Variants in XBP1 observed in about 807,000 individuals in gnomAD.
The protein encoded by XBP1 is X-box-binding protein 1.
Under a neutral mutation model 34.6 loss-of-function variants are expected in XBP1, and 18 were observed. The ratio of observed to expected loss-of-function variants is 0.52; its 90% CI spans 0.36 to 0.77. The LOEUF is 0.77. Among genes scored for constraint, XBP1 ranks in the 30% least tolerant of loss-of-function variants. XBP1 has a pLI of 0.00. For missense variants in XBP1, 422 were observed against 464.6 expected (o/e 0.91, Z 0.84); for synonymous variants, 191 against 193.4 (o/e 0.99, Z 0.11).
At chr22:28,799,250 C>T (rs1477719242) in intron 1 of XBP1, 97 bp from the exon 2 acceptor site, 3 of 797,260 alleles carry the variant, frequency 3.8e-6, no homozygotes, top group African/African-American at 1.7e-5. Flanking sequence ...TTTTTATTTA[C>T]AGTATAAGAC....
chr22:28,795,237 C>A, exon 6 of XBP1: 1 of 1,548,686 alleles, frequency 6.5e-7, no homozygotes, highest in Non-Finnish European at 8.7e-7. Flanking sequence ...GAATGGTTTA[C>A]ACCAAGCAGA....
chr22:28,795,812 C>T, intron 5 of XBP1, 80 bp from the exon 6 acceptor site: 1 of 1,426,552 alleles, frequency 7.0e-7, no homozygotes, highest in South Asian at 1.4e-5. Context: ...GTACTGGGTT[C>T]CATAATGTAA....
At chr22:28,795,170 A>C, downstream of XBP1, 1 of 1,497,174 alleles carries the variant, frequency 6.7e-7, no homozygotes, top group African/African-American at 1.4e-5. Context: ...GTATTGGATC[A>C]TTCCTTAGAC....
chr22:28,799,235 T>A (rs2031817201), intron 1 of XBP1, 82 bp from the exon 2 acceptor site: 1 of 1,055,320 alleles, frequency 9.5e-7, no homozygotes, highest in Non-Finnish European at 1.4e-6. Flanking sequence ...CAGCTGGTGC[T>A]TTCATTTTTA....
At position 28,795,602 on chromosome 22, in the gene XBP1, G is replaced by T. The variant is rs141132139; in HGVS notation, c.704C>A (p.Ser235Tyr). Residue 235 changes from serine to tyrosine, a missense_variant, in exon 6 of 6, where the codon TCC becomes TAC. Ser to Tyr is a moderately radical substitution (Grantham distance 144). Coordinates refer to ENST00000344347, the Ensembl canonical transcript of XBP1. The stretch of plus-strand genomic sequence containing the variant: ...TGACGTCCCCACTGACAGAGAAAGG[G>T]AGGCTGGTAAGGAACTGGGTCCTTC... The T allele has an allele frequency of 2.5e-6, 4 of 1,614,152 alleles. No homozygotes were observed. The African/African-American group carries it at 5.3e-5, about 22-fold the overall frequency.
intron 2 of XBP1, 130 bp from the exon 3 acceptor site, chr22:28,797,335 T>C: frequency 8.9e-7 from 1 of 1,125,332 alleles, no homozygotes; most frequent in Non-Finnish European, 1.2e-6. Flanking sequence ...GTGTTCATAG[T>C]AGGTTTTAAA....
chr22:28,800,027 G>A (rs768406016), intron 1 of XBP1: 1 of 778,966 alleles, frequency 1.3e-6, no homozygotes, highest in African/African-American at 1.7e-5. Context: ...TGGAAGACAG[G>A]TGCCCGCATC....
chr22:28,796,509 G>T, intron 3 of XBP1: 1 of 220,930 alleles, frequency 4.5e-6, no homozygotes, highest in South Asian at 1.2e-4. Context: ...AAAGATTTCA[G>T]CTGTAAAGAA....
chr22:28,795,362 C>T lies in XBP1; in HGVS notation c.944G>A (p.Gly315Asp), dbSNP rs533270808. The change falls in exon 6 of 6, where the codon GGT becomes GAT. Residue 315 changes from glycine to aspartate, a missense_variant. Gly to Asp is a moderately conservative substitution (Grantham distance 94). Coordinates refer to ENST00000344347, the Ensembl canonical transcript of XBP1. Reference sequence around the variant, plus strand: ...GCTGGATGAAAGCAGATTTGAGATACCCAGCTCCGGAACGAGGTCATCTTC... The same window carrying T: ...GCTGGATGAAAGCAGATTTGAGATATCCAGCTCCGGAACGAGGTCATCTTC... 5.2e-6 allele frequency: 8 copies of T among 1,551,992 alleles called. No homozygotes were observed. In the South Asian group the frequency reaches 7.1e-5, roughly 14 times the overall value.
chr22:28,799,449 A>T (rs983159745), intron 1 of XBP1, among the ~76,000 whole-genome samples: 1 of 152,158 alleles, frequency 6.6e-6, no homozygotes, highest in African/African-American at 2.4e-5. Flanking sequence ...CATCATAAGG[A>T]ACTTTCCTCT....
chr22:28,800,524 T>C (rs558452586), exon 1 of XBP1: 33 of 1,489,690 alleles, frequency 2.2e-5, no homozygotes, highest in African/African-American at 2.9e-5. Flanking sequence ...ACCACCACCA[T>C]AGCTCCAGAC....
At chr22:28,795,985 A>C in intron 5 of XBP1, 62 bp downstream of exon 5, 2 of 1,599,062 alleles carry the variant, frequency 1.3e-6, no homozygotes, top group East Asian at 4.5e-5. Context: ...AGGGATGTCA[A>C]GCATCAAACA....
At chr22:28,795,293 T>A in exon 6 of XBP1, 1 of 1,551,962 alleles carries the variant, frequency 6.4e-7, no homozygotes, top group African/African-American at 1.4e-5. Context: ...GTATCCACAG[T>A]CACTGTAAGC....
chr22:28,800,121 C>T (rs1003514456), intron 1 of XBP1, 177 bp downstream of exon 1: 13 of 749,484 alleles, frequency 1.7e-5, no homozygotes, highest in Non-Finnish European at 2.7e-5. Flanking sequence ...CGTGGCGGAT[C>T]CGGTCAGTCC....
chr22:28,797,731 C>T (rs2031776043), intron 2 of XBP1, among the ~76,000 whole-genome samples: 1 of 151,202 alleles, frequency 6.6e-6, no homozygotes, highest in Admixed American at 6.6e-5. Flanking sequence ...TGCAGTGAGC[C>T]GAGATTGCAC....
At chr22:28,794,684 AGATTCTT>A (rs2031710222), downstream of XBP1, 3 of 152,544 alleles carry the variant, frequency 2.0e-5, no homozygotes, top group Admixed American at 2.0e-4. Flanking sequence ...ATTTCACAAA[AGATTCTT>A]GATCTTACTT....
chr22:28,794,696 T>C (rs1341857699), downstream of XBP1: 1 of 152,716 alleles, frequency 6.5e-6, no homozygotes, highest in Admixed American at 6.5e-5. Context: ...ATTCTTGATC[T>C]TACTTGAAGT....
intron 2 of XBP1, 117 bp from the exon 3 acceptor site, chr22:28,797,322 G>A (rs1317037517): frequency 1.6e-6 from 2 of 1,240,014 alleles, no homozygotes; most frequent in Admixed American, 2.7e-5. Context: ...CTCTATGCTT[G>A]TGGTGTTCAT....
In XBP1 at chr22:28,795,523, G is replaced by A. The variant is rs1163024782; in HGVS notation, c.783C>T (p.Thr261=). 1.9e-6 allele frequency: 3 copies of A among 1,614,046 alleles called. No homozygotes were observed. In the East Asian group the frequency reaches 6.7e-5, roughly 36 times the overall value. The change falls in exon 6 of 6, where the codon ACC becomes ACT. Residue 261 remains threonine, a synonymous_variant. Transcript: ENST00000344347. ...AGGGTATCTCTAAGACTAGGGGCTTGGTATATATGTGGTCAAAACGAATTA... is the reference window on the plus strand; with the variant it reads ...AGGGTATCTCTAAGACTAGGGGCTTAGTATATATGTGGTCAAAACGAATTA...
Sources: gnomAD v4.1 joint callset for allele counts (sites outside exome capture counted in the v4.1 genomes callset) on GRCh38, gnomAD v4.1.1 for gene constraint, MANE v1.5 for transcripts, NCBI Gene and HGNC (gene_info 2026-07-23, HGNC 2026-07-21) for gene names.